The following RIMS2 variants were observed in gnomAD, a reference collection of about 807,000 sequenced individuals.
The protein encoded by RIMS2 is regulating synaptic membrane exocytosis 2.
RIMS2 carries 59 observed loss-of-function variants against 174.4 expected under a neutral mutation model. The observed-to-expected ratio is 0.34, with a 90% CI of 0.27 to 0.42. RIMS2 has a LOEUF of 0.42. Among genes scored for constraint, RIMS2 ranks in the 10% least tolerant of loss-of-function variants. The pLI, the probability that RIMS2 is intolerant of heterozygous loss-of-function variation, is 1.00. For synonymous variants in RIMS2, 606 were observed against 572.5 expected, an observed-to-expected ratio of 1.06 and a Z score of -0.84; for missense variants, 1,620 against 1,666.3, an observed-to-expected ratio of 0.97 and a Z score of 0.48.
chr8:104,006,626 TTCTCTCTCTCTCTC>T (rs55665972), intron 17 of RIMS2, among the ~76,000 whole-genome samples: 22,106 of 138,192 alleles, frequency 0.16, 1,832 homozygotes, highest in Middle Eastern at 0.2. Flanking sequence ...AGTGATCTAT[TTCTCTCTCTCTCTC>T]TCTCTCTCTC....
intron 1 of RIMS2, among the ~76,000 whole-genome samples, chr8:103,537,798 A>G (rs1212800133): frequency 6.6e-6 from 1 of 152,062 alleles, no homozygotes; most frequent in Non-Finnish European, 1.5e-5. Flanking sequence ...TTTTGCTTTA[A>G]TCTTTCCAAC....
At chr8:103,537,049 T>A (rs893445252) in intron 1 of RIMS2, among the ~76,000 whole-genome samples, 22 of 152,360 alleles carry the variant, frequency 1.4e-4, no homozygotes, top group African/African-American at 5.0e-4. Flanking sequence ...GCACTGGGGA[T>A]ACATAGATGA....
chr8:103,893,795 A>T (rs1313960143), intron 4 of RIMS2, among the ~76,000 whole-genome samples: 1 of 152,038 alleles, frequency 6.6e-6, no homozygotes, highest in Non-Finnish European at 1.5e-5. Context: ...GTTGAGACAG[A>T]TTACATGTTG....
intron 3 of RIMS2, among the ~76,000 whole-genome samples, chr8:103,792,873 CTA>C (rs2098513506): frequency 6.6e-6 from 1 of 152,074 alleles, no homozygotes; most frequent in Non-Finnish European, 1.5e-5. Flanking sequence ...CTTCCGAAGA[CTA>C]AACCAGGAAG....
chr8:104,244,738 T>A (rs2121554), intron 19 of RIMS2, among the ~76,000 whole-genome samples, 178 bp from the exon 26 acceptor site: 28,408 of 152,186 alleles, frequency 0.19, 2,908 homozygotes, highest in Non-Finnish European at 0.23. Flanking sequence ...AAAATCTTCA[T>A]CCCACTCAAC....
chr8:103,714,094 C>T (rs2097340814), intron 2 of RIMS2, among the ~76,000 whole-genome samples: 1 of 152,116 alleles, frequency 6.6e-6, no homozygotes, highest in South Asian at 2.1e-4. Flanking sequence ...GACCTCCAAT[C>T]TAGTACTCTC....
intron 2 of RIMS2, among the ~76,000 whole-genome samples, chr8:103,752,354 C>T (rs551787799): frequency 1.3e-5 from 2 of 152,126 alleles, no homozygotes; most frequent in African/African-American, 2.4e-5. Flanking sequence ...GTTACTGTAG[C>T]CTTCTAGTAT....
At chr8:103,981,373 T>C (rs1432691646) in intron 16 of RIMS2, among the ~76,000 whole-genome samples, 1 of 152,172 alleles carries the variant, frequency 6.6e-6, no homozygotes, top group Non-Finnish European at 1.5e-5. Flanking sequence ...CACAGCATTA[T>C]TGGGCTTGGG....
intron 4 of RIMS2, among the ~76,000 whole-genome samples, chr8:103,892,238 C>G (rs1366875775): frequency 6.6e-6 from 1 of 151,326 alleles, no homozygotes; most frequent in East Asian, 2.0e-4. Context: ...GGGTCTCACT[C>G]TGTTATCCAG....
At chr8:103,861,116 C>T (rs74873072) in intron 3 of RIMS2, among the ~76,000 whole-genome samples, 18,777 of 151,340 alleles carry the variant, frequency 0.12, 1,269 homozygotes, top group Middle Eastern at 0.22. Flanking sequence ...AATTTTCAGG[C>T]CTCACCCCCC....
chr8:104,234,782 G>A (rs1245739753), intron 19 of RIMS2, among the ~76,000 whole-genome samples: 2 of 152,102 alleles, frequency 1.3e-5, no homozygotes, highest in African/African-American at 4.8e-5. Flanking sequence ...ATGGGAAATG[G>A]GTATGCCAGT....
intron 19 of RIMS2, among the ~76,000 whole-genome samples, chr8:104,226,420 G>T (rs1328962692): frequency 6.6e-6 from 1 of 152,138 alleles, no homozygotes; most frequent in Non-Finnish European, 1.5e-5. Context: ...AAAGTGCCAA[G>T]AAGTCTACAG....
At chr8:104,180,425 C>G (rs1281584649) in intron 19 of RIMS2, among the ~76,000 whole-genome samples, 1 of 149,510 alleles carries the variant, frequency 6.7e-6, no homozygotes, top group Non-Finnish European at 1.5e-5. Context: ...TTTCAGTACT[C>G]AACAACAGAT....
chr8:104,038,570 T>C (rs2096557279), intron 19 of RIMS2, among the ~76,000 whole-genome samples: 1 of 151,950 alleles, frequency 6.6e-6, no homozygotes, highest in East Asian at 1.9e-4. Flanking sequence ...TGTGGCATGG[T>C]AATGAGAAAT....
At chr8:104,052,502 G>T (rs13271959) in intron 19 of RIMS2, among the ~76,000 whole-genome samples, 38,503 of 151,918 alleles carry the variant, frequency 0.25, 5,290 homozygotes, top group African/African-American at 0.35. Context: ...TCAAAGAAGG[G>T]ACTAAAGCTT....
intron 1 of RIMS2, chr8:103,568,727 C>A (rs1587943514): frequency 1.1e-6 from 1 of 894,708 alleles, no homozygotes; most frequent in Non-Finnish European, 1.8e-6. Context: ...AGGGAGTAGC[C>A]TATAAAGCAG....
rs2098220781 is a variant in RIMS2 at position 103,769,332 on chromosome 8, TG to T, written c.698+2796del. Among the ~76,000 whole-genome samples the T allele has an allele frequency of 2.0e-5, 3 of 152,200 alleles. No individual in the cohort carries two copies. The South Asian group carries it at 6.2e-4, about 32-fold the overall frequency. On this transcript the variant is annotated intron_variant, in intron 3 of 23. Transcript: ENST00000504942. ...AATCTTTGTTTTTTGTTTGTTTGTT[TG>T]TTTTTGTTTTGAGACAGAAGTCTCT... is the stretch of plus-strand genomic sequence containing the variant.
intron 19 of RIMS2, among the ~76,000 whole-genome samples, chr8:104,154,105 A>G (rs974195260): frequency 2.0e-5 from 3 of 152,232 alleles, no homozygotes; most frequent in Non-Finnish European, 2.9e-5. Flanking sequence ...CATGTAAATC[A>G]TTTAAACCTC....
intron 17 of RIMS2, among the ~76,000 whole-genome samples, chr8:104,005,574 A>T (rs1040954147): frequency 6.6e-6 from 1 of 152,210 alleles, no homozygotes; most frequent in African/African-American, 2.4e-5. Context: ...TATGGAAGAG[A>T]GTATAGTAAA....
Sources: gnomAD v4.1 joint callset for allele counts (sites outside exome capture counted in the v4.1 genomes callset) on GRCh38, gnomAD v4.1.1 for gene constraint, MANE v1.5 for transcripts, NCBI Gene and HGNC (gene_info 2026-07-23, HGNC 2026-07-21) for gene names.